The following OAS2 variants were observed in gnomAD, a reference collection of about 807,000 sequenced individuals.
OAS2 encodes the protein 2'-5'-oligoadenylate synthase 2.
Under a neutral mutation model 71.3 loss-of-function variants are expected in OAS2, and 67 were observed. That is an observed-to-expected ratio of 0.94 (90% CI 0.77 to 1.15). OAS2 has a LOEUF of 1.15. Ranked by LOEUF, OAS2 falls within the 50% of genes most tolerant of loss-of-function variation. The pLI is 0.00. For synonymous variants in OAS2, 327 were observed against 321.8 expected, an observed-to-expected ratio of 1.02 and a Z score of -0.17; for missense variants, 789 against 822.5, an observed-to-expected ratio of 0.96 and a Z score of 0.50.
At chr12:112,992,725 T>G (rs1051942663) in intron 2 of OAS2, among the ~76,000 whole-genome samples, 1 of 152,128 alleles carries the variant, frequency 6.6e-6, no homozygotes, top group Non-Finnish European at 1.5e-5. Context: ...TGAGTTCTTA[T>G]CCTGGTCCTA....
rs1173963515 is a variant in OAS2, at chr12:113,011,121, A to T, written c.*1866A>T. 1 of 152,276 alleles carries T rather than the reference A, an allele frequency of 6.6e-6. No homozygotes were observed. Among genetic ancestry groups the T allele is most frequent in the Non-Finnish European group, 1.5e-5 (1 of 68,100 alleles). 9.4% of individuals were successfully genotyped at this position (152,276 alleles called of 1,614,324 possible). A position where few individuals can be genotyped will look rare whatever the true frequency, so the allele number is the denominator to read the frequency against. Reference sequence around the variant, plus strand: ...TTCCTTGGGCTTTAGCCTTAAAGATACTTGAAGGTCTAGGTGCTTTAACCT... The same window carrying T: ...TTCCTTGGGCTTTAGCCTTAAAGATTCTTGAAGGTCTAGGTGCTTTAACCT... On this transcript the variant is annotated 3_prime_UTR_variant, in exon 10 of 10. Coordinates refer to ENST00000392583, the MANE Select transcript of OAS2 (RefSeq NM_002535.3).
Position 113,007,696 on chromosome 12 carries a change from C to A in OAS2, c.1657-9C>A. On this transcript the variant is annotated splice_polypyrimidine_tract_variant and intron_variant, in intron 8 of 9. Transcript: ENST00000392583. ...AACCAGTTCGTCTGATGTTCCCACT[C>A]TTACCTAGTGTGAAAGGAAACTGAA... 1 of 1,610,102 alleles carries A rather than the reference C, an allele frequency of 6.2e-7. No individual in the cohort carries two copies. The highest frequency in any genetic ancestry group is 1.1e-5 in the South Asian group (1 of 90,800).
intron 5 of OAS2, among the ~76,000 whole-genome samples, chr12:113,002,688 TA>T (rs2044299664): frequency 6.6e-6 from 1 of 152,066 alleles, no homozygotes; most frequent in Non-Finnish European, 1.5e-5. Context: ...AGATCTCTCC[TA>T]GGGGGAAGGA....
Position 113,008,939 on chromosome 12 carries a change from A to G in OAS2, c.1896-148A>G, listed in dbSNP as rs575227440. The stretch of plus-strand genomic sequence containing the variant: ...CACTGCACGCGGCCTCTAGAAAGTT[A>G]CTTTGAACCCTACTAGTAAATTTGA... On this transcript the variant is annotated intron_variant, in intron 9 of 9. Coordinates refer to ENST00000392583, the MANE Select transcript of OAS2 (RefSeq NM_002535.3). The G allele has an allele frequency of 2.1e-3, 2,892 of 1,360,148 alleles. 14 individuals are homozygous for G. The highest frequency in any genetic ancestry group is 1.9e-3 in the Non-Finnish European group (1,961 of 1,017,758). The allele number at this position is 1,360,148 out of a possible 1,614,324, so 84.3% of individuals were successfully genotyped here. A position where few individuals can be genotyped will look rare whatever the true frequency, so the allele number is the denominator to read the frequency against.
intron 5 of OAS2, among the ~76,000 whole-genome samples, chr12:113,001,447 TACATATATACACATATATACATATATAC>T (rs1311173644): frequency 4.5e-4 from 33 of 72,678 alleles, no homozygotes; most frequent in Non-Finnish European, 9.7e-4. Context: ...TACACATATA[TACATATATACACATATATACATATATAC>T]ACATATATAC....
Position 113,009,481 on chromosome 12 carries a change from G to T in OAS2, c.*226G>T, listed in dbSNP as rs2044362396. 1 of 1,267,772 alleles carries T rather than the reference G, an allele frequency of 7.9e-7. No individual in the cohort carries two copies. Among genetic ancestry groups the T allele is most frequent in the Non-Finnish European group, 9.9e-7 (1 of 1,006,148 alleles). The allele number at this position is 1,267,772 out of a possible 1,614,324, so 78.5% of individuals were successfully genotyped here. A position where few individuals can be genotyped will look rare whatever the true frequency, so the allele number is the denominator to read the frequency against. ...CAGCATCCCTAGTCTCTACCCAGTAGATGCCACTAGCCCTCCTCTCCCAGT... is the reference window on the plus strand; with the variant it reads ...CAGCATCCCTAGTCTCTACCCAGTATATGCCACTAGCCCTCCTCTCCCAGT... On this transcript the variant is annotated 3_prime_UTR_variant, in exon 10 of 10. Coordinates refer to ENST00000392583, the MANE Select transcript of OAS2 (RefSeq NM_002535.3).
rs1440064092 is a variant in OAS2, at chr12:113,010,618, A to G, written c.*1363A>G. ...TTCTTGAAATCAATCAAGACTGCAA[A>G]CCCTTTCATAAAGTCTTGCCTTGCT... On this transcript the variant is annotated 3_prime_UTR_variant, in exon 10 of 10. Coordinates refer to ENST00000392583, the MANE Select transcript of OAS2 (RefSeq NM_002535.3). 7.4e-7 allele frequency: 1 copy of G among 1,354,800 alleles called. No individual in the cohort carries two copies. Among genetic ancestry groups the G allele is most frequent in the Non-Finnish European group, 9.7e-7 (1 of 1,033,380 alleles). The allele number at this position is 1,354,800 out of a possible 1,614,324, so 83.9% of individuals were successfully genotyped here. A position where few individuals can be genotyped will look rare whatever the true frequency, so the allele number is the denominator to read the frequency against.
intron 2 of OAS2, among the ~76,000 whole-genome samples, chr12:112,993,013 G>A (rs2044204840): frequency 6.6e-6 from 1 of 152,178 alleles, no homozygotes; most frequent in Admixed American, 6.5e-5. Flanking sequence ...CTACCCAGAA[G>A]CTGCCACTAG....
chr12:112,990,846 G>A (rs1447437099), intron 2 of OAS2, among the ~76,000 whole-genome samples: 1 of 152,156 alleles, frequency 6.6e-6, no homozygotes, highest in African/African-American at 2.4e-5. Context: ...AAAGGGAGGA[G>A]GGTATAATGA....
chr12:112,993,520 G>A (rs1462702145), intron 2 of OAS2, among the ~76,000 whole-genome samples: 2 of 152,302 alleles, frequency 1.3e-5, no homozygotes, highest in African/African-American at 2.4e-5. Context: ...TGCCTAGGGA[G>A]TCAGTAAATA....
chr12:113,003,460 C>A (rs2044306779), intron 6 of OAS2, among the ~76,000 whole-genome samples: 2 of 152,136 alleles, frequency 1.3e-5, no homozygotes, highest in Admixed American at 1.3e-4. Flanking sequence ...GATTTAGGGC[C>A]CAGCCTGATC....
intron 1 of OAS2, among the ~76,000 whole-genome samples, chr12:112,979,456 G>A (rs1242518852): frequency 6.6e-6 from 1 of 152,182 alleles, no homozygotes; most frequent in Non-Finnish European, 1.5e-5. Flanking sequence ...ATCCGCTAGT[G>A]CCTCAATAAA....
At chr12:113,003,608 C>T (rs1359545848) in intron 6 of OAS2, among the ~76,000 whole-genome samples, 1 of 152,118 alleles carries the variant, frequency 6.6e-6, no homozygotes, top group Non-Finnish European at 1.5e-5. Context: ...TTCTAAGGAG[C>T]TTAGAATCTC....
rs779495906 is a variant in OAS2 at position 113,009,211 on chromosome 12, G to A, written c.2020G>A (p.Gly674Arg). ...LSSPCFKDGTGNPIPPWKVPV... is the reference protein window; with the variant it reads ...LSSPCFKDGTRNPIPPWKVPV... ...CTCTCCCTGCTTCAAGGATGGGACTGGAAACCCAATACCACCTTGGAAAGT... is the reference window on the plus strand; with the variant it reads ...CTCTCCCTGCTTCAAGGATGGGACTAGAAACCCAATACCACCTTGGAAAGT... Residue 674 changes from glycine to arginine, a missense_variant, in exon 10 of 10, where the codon GGA (glycine) becomes AGA (arginine). By Grantham distance (125) the Gly-to-Arg change is moderately radical (BLOSUM62 -2). Transcript: ENST00000392583. 2.5e-6 allele frequency: 4 copies of A among 1,614,094 alleles called. No homozygotes were observed. The East Asian group carries it at 8.9e-5, about 36-fold the overall frequency.
intron 2 of OAS2, among the ~76,000 whole-genome samples, chr12:112,989,041 G>A (rs1336240159): frequency 1.3e-5 from 2 of 152,222 alleles, no homozygotes; most frequent in South Asian, 2.1e-4. Flanking sequence ...GGTTGTATAC[G>A]TGGTATGGTT....
intron 4 of OAS2, 52 bp from the exon 5 acceptor site, chr12:112,998,214 T>C (rs1460022638): frequency 6.3e-7 from 1 of 1,582,104 alleles, no homozygotes; most frequent in Non-Finnish European, 8.5e-7. Context: ...AAACAGATTT[T>C]GCCTCCCACA....
intron 2 of OAS2, among the ~76,000 whole-genome samples, chr12:112,994,223 A>G (rs1293147522): frequency 6.6e-6 from 1 of 152,064 alleles, no homozygotes; most frequent in Non-Finnish European, 1.5e-5. Flanking sequence ...CTTCCCTGCT[A>G]TATAGAACCC....
Position 113,010,481 on chromosome 12 carries a change from C to T in OAS2, c.*1226C>T, listed in dbSNP as rs2044371147. ...TGAATAATAATTCTAAAAGAAACTT[C>T]TAGAGATCATCTGGCAATCGCTTTT... On this transcript the variant is annotated 3_prime_UTR_variant, in exon 10 of 10. Coordinates refer to ENST00000392583, the MANE Select transcript of OAS2 (RefSeq NM_002535.3). The T allele has an allele frequency of 2.5e-6, 4 of 1,613,156 alleles. No individual in the cohort carries two copies. The South Asian group carries it at 4.4e-5, about 18-fold the overall frequency.
At chr12:112,998,509 T>C (rs2044256064) in intron 5 of OAS2, 99 bp downstream of exon 5, 2 of 1,323,532 alleles carry the variant, frequency 1.5e-6, no homozygotes, top group South Asian at 2.6e-5. Context: ...ATTCGTTTCC[T>C]GTATTGCTGT....
Sources: gnomAD v4.1 joint callset for allele counts (sites outside exome capture counted in the v4.1 genomes callset) on GRCh38, gnomAD v4.1.1 for gene constraint, MANE v1.5 for transcripts, NCBI Gene and HGNC (gene_info 2026-07-23, HGNC 2026-07-21) for gene names.